TMEM117: variants seen among roughly 807,000 people sequenced by gnomAD.
The protein encoded by TMEM117 is transmembrane protein 117.
Under a neutral mutation model 52.4 loss-of-function variants are expected in TMEM117, and 27 were observed. The ratio of observed to expected loss-of-function variants is 0.51; its 90% CI spans 0.38 to 0.71. TMEM117 has a LOEUF of 0.71. Among genes scored for constraint, TMEM117 ranks in the 30% least tolerant of loss-of-function variants. The pLI is 0.00. For synonymous variants in TMEM117, 215 were observed against 206.3 expected, an observed-to-expected ratio of 1.04 and a Z score of -0.36; for missense variants, 556 against 630.5, an observed-to-expected ratio of 0.88 and a Z score of 1.26.
the TMEM117 span, chr12:43,800,465 G>A: frequency 1.9e-6 from 3 of 1,613,214 alleles, no homozygotes; most frequent in Admixed American, 1.7e-5. Flanking sequence ...CATCTTTAAT[G>A]TGGCCACCTC....
chr12:44,267,403 A>G (rs1950391866), intron 5 of TMEM117, among the ~76,000 whole-genome samples: 1 of 152,160 alleles, frequency 6.6e-6, no homozygotes, highest in Admixed American at 6.6e-5. Flanking sequence ...TATTTAATAT[A>G]TACCACTTAA....
chr12:43,991,549 C>T (rs73085785), intron 3 of TMEM117, among the ~76,000 whole-genome samples: 6,155 of 152,030 alleles, frequency 0.04, 200 homozygotes, highest in African/African-American at 0.09. Context: ...TCAAGGACCT[C>T]GGCCAAGTAA....
intron 2 of TMEM117, among the ~76,000 whole-genome samples, chr12:43,869,426 G>C (rs547783754): frequency 2.0e-5 from 3 of 152,298 alleles, no homozygotes; most frequent in Middle Eastern, 3.4e-3. Context: ...GTAAGGACAC[G>C]AAGAGAAAAT....
chr12:43,970,531 G>A (rs536410277), intron 3 of TMEM117, among the ~76,000 whole-genome samples: 9 of 152,144 alleles, frequency 5.9e-5, no homozygotes, highest in East Asian at 1.9e-4. Context: ...CTTGTGATCC[G>A]CCTGGCTCGG....
chr12:44,210,459 CTTAAT>C (rs1949630840), intron 4 of TMEM117, among the ~76,000 whole-genome samples: 1 of 152,042 alleles, frequency 6.6e-6, no homozygotes, highest in African/African-American at 2.4e-5. Context: ...GCATTTATAT[CTTAAT>C]TTATTTTATC....
chr12:44,386,228 A>G (rs556177130), intron 7 of TMEM117, among the ~76,000 whole-genome samples: 14 of 152,170 alleles, frequency 9.2e-5, no homozygotes, highest in Admixed American at 2.0e-4. Context: ...AGGCAGAGAC[A>G]TATGTTTTCA....
chr12:43,895,270 A>C (rs2137488708), intron 2 of TMEM117, among the ~76,000 whole-genome samples: 1 of 151,922 alleles, frequency 6.6e-6, no homozygotes, highest in African/African-American at 2.4e-5. Flanking sequence ...GTTCCTGTGT[A>C]AGTTTGCTAA....
At chr12:43,805,990 A>G in the TMEM117 span, 3 of 1,533,882 alleles carry the variant, frequency 2.0e-6, no homozygotes, top group Admixed American at 1.9e-5. Flanking sequence ...GCTCCCCCGA[A>G]TTTCGGATCA....
At chr12:44,241,473 A>G (rs556942744) in intron 5 of TMEM117, among the ~76,000 whole-genome samples, 1 of 152,080 alleles carries the variant, frequency 6.6e-6, no homozygotes, top group South Asian at 2.1e-4. Context: ...ATTTGGTGAT[A>G]GTGGACAATT....
At chr12:43,832,776 G>A (rs549627348), upstream of TMEM117, among the ~76,000 whole-genome samples, 1 of 152,310 alleles carries the variant, frequency 6.6e-6, no homozygotes, top group East Asian at 1.9e-4. Context: ...CTACTTGTGA[G>A]ATCTTGAATG....
chr12:43,829,871 C>T, the TMEM117 span, among the ~76,000 whole-genome samples: 2 of 151,998 alleles, frequency 1.3e-5, no homozygotes, highest in South Asian at 2.1e-4. Context: ...AGGTGGCTCA[C>T]GAGGTCAGGA....
chr12:44,033,302 A>T (rs1946661469), intron 3 of TMEM117, among the ~76,000 whole-genome samples: 1 of 152,222 alleles, frequency 6.6e-6, no homozygotes, highest in South Asian at 2.1e-4. Context: ...AGCAACTAGC[A>T]GCCCTCTGGG....
intron 3 of TMEM117, among the ~76,000 whole-genome samples, chr12:44,119,031 T>C (rs1434991738): frequency 6.6e-6 from 1 of 152,082 alleles, no homozygotes; most frequent in African/African-American, 2.4e-5. Context: ...TTACTGTTAA[T>C]TTTTTTTCAG....
chr12:43,885,858 A>G (rs1392318639), intron 2 of TMEM117, among the ~76,000 whole-genome samples: 3 of 152,216 alleles, frequency 2.0e-5, no homozygotes, highest in Non-Finnish European at 4.4e-5. Context: ...ACAAGAGATT[A>G]ATTTGAAAGA....
At chr12:43,805,143 A>T in the TMEM117 span, among the ~76,000 whole-genome samples, 1 of 152,206 alleles carries the variant, frequency 6.6e-6, no homozygotes, top group African/African-American at 2.4e-5. Flanking sequence ...TTAATAACTA[A>T]CCCTTGTGTT....
At chr12:44,318,116 G>GT (rs1322493033) in intron 6 of TMEM117, among the ~76,000 whole-genome samples, 3 of 152,146 alleles carry the variant, frequency 2.0e-5, no homozygotes, top group African/African-American at 7.2e-5. Flanking sequence ...ATAGGGGGCC[G>GT]TACTGCACCA....
At chr12:44,079,037 T>C (rs1414372416) in intron 3 of TMEM117, among the ~76,000 whole-genome samples, 1 of 152,164 alleles carries the variant, frequency 6.6e-6, no homozygotes, top group Admixed American at 6.5e-5. Context: ...GCAAAGGACA[T>C]GAACTCATCC....
intron 4 of TMEM117, among the ~76,000 whole-genome samples, chr12:44,151,454 A>G (rs947916355): frequency 1.3e-5 from 2 of 148,624 alleles, no homozygotes; most frequent in African/African-American, 5.0e-5. Context: ...GGTGTGCTGC[A>G]CTCATTAACT....
chr12:44,296,182 A>C (rs968381538), intron 5 of TMEM117, among the ~76,000 whole-genome samples: 7 of 152,206 alleles, frequency 4.6e-5, no homozygotes, highest in African/African-American at 1.7e-4. Context: ...TAGATTCCAC[A>C]GTTGGCTCCA....
Sources: allele counts gnomAD v4.1 joint callset (sites outside exome capture counted in the v4.1 genomes callset), GRCh38; gene constraint gnomAD v4.1.1; transcripts MANE v1.5; gene names NCBI Gene and HGNC (gene_info 2026-07-23, HGNC 2026-07-21).